Variants in REDIC1 observed in about 807,000 individuals in gnomAD.
The protein encoded by REDIC1 is regulator of DNA class I crossover intermediates 1.
the REDIC1 span, among the ~76,000 whole-genome samples, chr12:39,854,053 T>C: frequency 6.6e-6 from 1 of 152,052 alleles, no homozygotes; most frequent in Non-Finnish European, 1.5e-5. Flanking sequence ...TAACTGATAC[T>C]TAGCATTTCC....
At chr12:39,896,195 T>C in the REDIC1 span, among the ~76,000 whole-genome samples, 1 of 147,778 alleles carries the variant, frequency 6.8e-6, no homozygotes, top group African/African-American at 2.5e-5. Context: ...TGTATATATG[T>C]GTATGTATAC....
the REDIC1 span, among the ~76,000 whole-genome samples, chr12:39,729,908 A>G: frequency 6.6e-6 from 1 of 152,190 alleles, no homozygotes; most frequent in Admixed American, 6.5e-5. Flanking sequence ...CTTTACCATT[A>G]TGTAATGTCC....
At chr12:39,711,831 ATATG>A in the REDIC1 span, among the ~76,000 whole-genome samples, 69 of 8,350 alleles carry the variant, frequency 8.3e-3, 1 homozygote, top group African/African-American at 0.013. Context: ...ATGCATGTGT[ATATG>A]TGTGTATACA....
At chr12:39,705,501 A>G in the REDIC1 span, among the ~76,000 whole-genome samples, 1 of 152,134 alleles carries the variant, frequency 6.6e-6, no homozygotes. Context: ...CCAGACAAAG[A>G]CATCAAGAAA....
the REDIC1 span, among the ~76,000 whole-genome samples, chr12:39,700,019 A>C: frequency 6.6e-6 from 1 of 152,188 alleles, no homozygotes; most frequent in Non-Finnish European, 1.5e-5. Context: ...GGAAACTCTA[A>C]AAAGCAGAGC....
chr12:39,668,610 A>G, the REDIC1 span, among the ~76,000 whole-genome samples: 1 of 152,152 alleles, frequency 6.6e-6, no homozygotes, highest in African/African-American at 2.4e-5. Context: ...CTGCCTTGCT[A>G]GACTGGGGAG....
the REDIC1 span, among the ~76,000 whole-genome samples, chr12:39,902,249 A>G: frequency 6.6e-6 from 1 of 151,422 alleles, no homozygotes; most frequent in Admixed American, 6.6e-5. Context: ...TAAATGACGA[A>G]TTAATGGGTG....
chr12:39,652,377 C>T, the REDIC1 span, among the ~76,000 whole-genome samples: 231 of 152,170 alleles, frequency 1.5e-3, 4 homozygotes, highest in East Asian at 0.031. Context: ...AACATTGCAG[C>T]GCATCCTTGT....
At chr12:39,712,359 TAC>T in the REDIC1 span, among the ~76,000 whole-genome samples, 2 of 139,152 alleles carry the variant, frequency 1.4e-5, no homozygotes, top group African/African-American at 2.6e-5. Context: ...TATACATACA[TAC>T]ATACATATGT....
chr12:39,703,418 C>T, the REDIC1 span, among the ~76,000 whole-genome samples: 1 of 149,536 alleles, frequency 6.7e-6, no homozygotes. Flanking sequence ...CAAACCACTG[C>T]TCAAGGAAAT....
At chr12:39,876,919 G>C in the REDIC1 span, among the ~76,000 whole-genome samples, 1 of 152,216 alleles carries the variant, frequency 6.6e-6, no homozygotes, top group African/African-American at 2.4e-5. Context: ...AGAAAGTATG[G>C]AGTAGTTTAT....
At chr12:39,840,728 A>G in the REDIC1 span, among the ~76,000 whole-genome samples, 1 of 151,992 alleles carries the variant, frequency 6.6e-6, no homozygotes, top group Non-Finnish European at 1.5e-5. Context: ...TATTATTATC[A>G]TGCATTCCAT....
the REDIC1 span, among the ~76,000 whole-genome samples, chr12:39,707,984 G>A: frequency 2.6e-5 from 4 of 151,766 alleles, no homozygotes; most frequent in Non-Finnish European, 5.9e-5. Context: ...AAATAAGAGG[G>A]TAGAAGAATG....
the REDIC1 span, among the ~76,000 whole-genome samples, chr12:39,741,395 T>TATG: frequency 6.6e-6 from 1 of 152,170 alleles, no homozygotes; most frequent in Non-Finnish European, 1.5e-5. Context: ...TGTTGGAAAA[T>TATG]ATGATAAGAA....
the REDIC1 span, among the ~76,000 whole-genome samples, chr12:39,709,836 C>T: frequency 6.6e-6 from 1 of 151,882 alleles, no homozygotes; most frequent in African/African-American, 2.4e-5. Flanking sequence ...TAGATATATA[C>T]TCACAAGTTA....
chr12:39,652,584 G>T, the REDIC1 span, among the ~76,000 whole-genome samples: 1 of 152,044 alleles, frequency 6.6e-6, no homozygotes, highest in Admixed American at 6.6e-5. Context: ...AGTGCAAAAG[G>T]TTTAATTTGA....
At chr12:39,626,408 T>G in the REDIC1 span, 1 of 1,611,998 alleles carries the variant, frequency 6.2e-7, no homozygotes. Context: ...TTCCTACGAC[T>G]CCTCTTTCTA....
At chr12:39,900,633 G>T in the REDIC1 span, among the ~76,000 whole-genome samples, 19 of 152,238 alleles carry the variant, frequency 1.2e-4, no homozygotes, top group East Asian at 3.7e-3. Context: ...ACTTACAAGG[G>T]ACGTGAAGGA....
chr12:39,722,427 T>C, the REDIC1 span, among the ~76,000 whole-genome samples: 1 of 152,122 alleles, frequency 6.6e-6, no homozygotes, highest in African/African-American at 2.4e-5. Context: ...TTTATCCAGA[T>C]ACTAAATGAA....
Sources: allele counts gnomAD v4.1 joint callset (sites outside exome capture counted in the v4.1 genomes callset), GRCh38; gene constraint gnomAD v4.1.1; transcripts MANE v1.5; gene names NCBI Gene and HGNC (gene_info 2026-07-23, HGNC 2026-07-21).